Variants in LARGE1 observed in about 807,000 individuals in gnomAD.
LARGE1 encodes the protein LARGE xylosyl- and glucuronyltransferase 1.
LARGE1 carries 43 observed loss-of-function variants against 87.6 expected under a neutral mutation model. The ratio of observed to expected loss-of-function variants is 0.49; its 90% CI spans 0.38 to 0.63. The LOEUF is 0.63. Ranked by LOEUF, LARGE1 falls within the 30% of genes least tolerant of loss-of-function variation. LARGE1 has a pLI of 0.00. For synonymous variants in LARGE1, 434 were observed against 394.6 expected (o/e 1.10, Z -1.18); for missense variants, 802 against 1,000.2 (o/e 0.80, Z 2.67).
At chr22:33,757,269 A>G (rs1313323380) in intron 2 of LARGE1, among the ~76,000 whole-genome samples, 2 of 152,222 alleles carry the variant, frequency 1.3e-5, no homozygotes, top group African/African-American at 2.4e-5. Context: ...TTCCATGCTC[A>G]GGAGCAAATC....
chr22:33,577,070 ACT>A (rs2078375276), intron 5 of LARGE1, among the ~76,000 whole-genome samples: 1 of 151,918 alleles, frequency 6.6e-6, no homozygotes. Flanking sequence ...AGAGATAATC[ACT>A]CTGCTATTAA....
chr22:33,630,803 CTT>C (rs1274393712), intron 3 of LARGE1, among the ~76,000 whole-genome samples: 3 of 151,868 alleles, frequency 2.0e-5, no homozygotes, highest in Non-Finnish European at 2.9e-5. Context: ...AAAAATTAAA[CTT>C]AGCTTACTGG....
intron 2 of LARGE1, among the ~76,000 whole-genome samples, chr22:33,663,697 A>G (rs1379695003): frequency 1.3e-5 from 2 of 152,140 alleles, no homozygotes; most frequent in African/African-American, 4.8e-5. Context: ...ACTTTCTGAA[A>G]TTGCTGGTGA....
chr22:33,687,822 C>T (rs2081989000), intron 2 of LARGE1, among the ~76,000 whole-genome samples: 1 of 152,198 alleles, frequency 6.6e-6, no homozygotes, highest in Non-Finnish European at 1.5e-5. Context: ...ACCCACTTAA[C>T]AAGTAAAAAT....
intron 2 of LARGE1, among the ~76,000 whole-genome samples, chr22:33,715,341 C>T (rs905835850): frequency 6.6e-6 from 1 of 152,160 alleles, no homozygotes; most frequent in Admixed American, 6.5e-5. Context: ...TCCTCCCATA[C>T]TTCTTAGAGG....
intron 9 of LARGE1, among the ~76,000 whole-genome samples, chr22:33,349,250 C>A (rs9621683): frequency 0.31 from 46,782 of 152,050 alleles, 7,278 homozygotes; most frequent in South Asian, 0.37. Context: ...GATGGTGGGC[C>A]TTCTCTGCCT....
chr22:33,157,046 G>A, the LARGE1 span, among the ~76,000 whole-genome samples: 1 of 152,190 alleles, frequency 6.6e-6, no homozygotes, highest in Non-Finnish European at 1.5e-5. Flanking sequence ...ACATGGAACT[G>A]TAAGTCCAAT....
intron 11 of LARGE1, among the ~76,000 whole-genome samples, chr22:33,169,080 A>G (rs750275321): frequency 6.6e-6 from 1 of 152,222 alleles, no homozygotes; most frequent in Non-Finnish European, 1.5e-5. Context: ...AGCAACCCAG[A>G]GCATGTGAGC....
At chr22:33,644,448 C>A (rs930111975) in intron 3 of LARGE1, among the ~76,000 whole-genome samples, 15 of 152,166 alleles carry the variant, frequency 9.9e-5, no homozygotes, top group Non-Finnish European at 1.9e-4. Context: ...AACCCACAGC[C>A]AATATCATAC....
At chr22:33,111,888 C>G in the LARGE1 span, among the ~76,000 whole-genome samples, 6 of 152,128 alleles carry the variant, frequency 3.9e-5, no homozygotes, top group Non-Finnish European at 5.9e-5. Flanking sequence ...CCAGGAATGA[C>G]AGTGGAAAGC....
At chr22:33,626,397 A>T in intron 3 of LARGE1, 71 bp from the exon 4 acceptor site, 1 of 1,203,814 alleles carries the variant, frequency 8.3e-7, no homozygotes, top group Admixed American at 1.8e-5. Flanking sequence ...TTCAGATCAC[A>T]CTAGAAAGAA....
chr22:33,906,718 G>A (rs2065467385), intron 1 of LARGE1, among the ~76,000 whole-genome samples: 1 of 152,048 alleles, frequency 6.6e-6, no homozygotes, highest in Admixed American at 6.6e-5. Flanking sequence ...TGATTAGTGG[G>A]CAACCATTTG....
intron 1 of LARGE1, among the ~76,000 whole-genome samples, chr22:33,785,761 G>A (rs927832381): frequency 7.2e-5 from 11 of 152,046 alleles, no homozygotes; most frequent in African/African-American, 1.9e-4. Context: ...GCTGATGAAC[G>A]GAAAGGGTCA....
chr22:33,911,833 T>C (rs181551342), intron 1 of LARGE1, among the ~76,000 whole-genome samples: 10 of 152,348 alleles, frequency 6.6e-5, no homozygotes, highest in Admixed American at 4.6e-4. Context: ...TGAAATATCC[T>C]TCACATTTTT....
intron 1 of LARGE1, among the ~76,000 whole-genome samples, chr22:33,917,574 T>C (rs1401105109): frequency 6.6e-6 from 1 of 152,208 alleles, no homozygotes; most frequent in African/African-American, 2.4e-5. Context: ...GCAGGGAATA[T>C]GCAGTCAAAA....
At chr22:33,580,223 A>C (rs2078476008) in intron 5 of LARGE1, among the ~76,000 whole-genome samples, 1 of 152,116 alleles carries the variant, frequency 6.6e-6, no homozygotes, top group Non-Finnish European at 1.5e-5. Context: ...ATACAAAATT[A>C]GCCAGGCATG....
At chr22:33,427,561 G>A (rs374479893) in intron 7 of LARGE1, among the ~76,000 whole-genome samples, 3 of 152,196 alleles carry the variant, frequency 2.0e-5, no homozygotes, top group Non-Finnish European at 4.4e-5. Context: ...GCCCATGCAC[G>A]CTATGGTGCC....
intron 2 of LARGE1, among the ~76,000 whole-genome samples, chr22:33,708,535 G>C (rs1315327244): frequency 1.3e-5 from 2 of 152,168 alleles, no homozygotes; most frequent in Non-Finnish European, 2.9e-5. Context: ...TGAAACAACA[G>C]GAACTCATTC....
chr22:33,081,189 G>C, the LARGE1 span, among the ~76,000 whole-genome samples: 1 of 152,224 alleles, frequency 6.6e-6, no homozygotes, highest in Non-Finnish European at 1.5e-5. Flanking sequence ...ACCAGGAACT[G>C]AATTAGCTGG....
Sources: gnomAD v4.1 joint callset for allele counts (sites outside exome capture counted in the v4.1 genomes callset) on GRCh38, gnomAD v4.1.1 for gene constraint, MANE v1.5 for transcripts, NCBI Gene and HGNC (gene_info 2026-07-23, HGNC 2026-07-21) for gene names.